Variants in SH3GL2 observed in about 807,000 individuals in gnomAD.
SH3GL2 encodes the protein endophilin-A1.
In SH3GL2, 24 loss-of-function variants were observed where a neutral mutation model predicts 46.0. The ratio of observed to expected loss-of-function variants is 0.52; its 90% CI spans 0.38 to 0.73. The LOEUF is 0.73. Among genes scored for constraint, SH3GL2 ranks in the 30% least tolerant of loss-of-function variants. The probability of loss-of-function intolerance (pLI) is 0.00; values close to 1 mark genes in which losing one functional copy is unlikely to be tolerated. For synonymous variants in SH3GL2, 196 were observed against 147.1 expected, an observed-to-expected ratio of 1.33 and a Z score of -2.40; for missense variants, 413 against 424.2, an observed-to-expected ratio of 0.97 and a Z score of 0.23.
At chr9:17,765,877 G>T (rs1024526825) in intron 3 of SH3GL2, among the ~76,000 whole-genome samples, 1 of 152,156 alleles carries the variant, frequency 6.6e-6, no homozygotes, top group African/African-American at 2.4e-5. Context: ...CAGCCAACAG[G>T]CACTGGGATA....
intron 1 of SH3GL2, among the ~76,000 whole-genome samples, chr9:17,672,085 A>G (rs77851301): frequency 1.0e-3 from 154 of 152,306 alleles, no homozygotes; most frequent in East Asian, 6.8e-3. Context: ...CTGGAACTCA[A>G]TGTTTTGTTT....
At chr9:17,786,652 C>G (rs1029961189) in intron 4 of SH3GL2, 128 bp downstream of exon 4, 8 of 845,368 alleles carry the variant, frequency 9.5e-6, no homozygotes, top group South Asian at 6.2e-5. Flanking sequence ...ATCCTACACA[C>G]ATGGGCCAAA....
intron 3 of SH3GL2, among the ~76,000 whole-genome samples, chr9:17,763,367 G>T (rs1823233292): frequency 6.6e-6 from 1 of 152,196 alleles, no homozygotes; most frequent in Non-Finnish European, 1.5e-5. Flanking sequence ...TGTAAGTAGT[G>T]ATGTAGGATC....
intron 1 of SH3GL2, among the ~76,000 whole-genome samples, chr9:17,652,811 T>C (rs1450433959): frequency 1.3e-5 from 2 of 152,192 alleles, no homozygotes; most frequent in Admixed American, 1.3e-4. Context: ...AATTATCCAA[T>C]GAAAATAGTT....
chr9:17,736,652 G>A (rs1822343154), intron 1 of SH3GL2, among the ~76,000 whole-genome samples: 1 of 152,114 alleles, frequency 6.6e-6, no homozygotes, highest in South Asian at 2.1e-4. Flanking sequence ...CTATACTGAG[G>A]TGTGAAATAC....
At chr9:17,761,336 GC>G (rs1823165409) in intron 2 of SH3GL2, 100 bp from the exon 3 acceptor site, 8 of 759,184 alleles carry the variant, frequency 1.1e-5, no homozygotes, top group Non-Finnish European at 1.9e-5. Context: ...CTTGTCCGGG[GC>G]TCTGTTGCAT....
intron 1 of SH3GL2, among the ~76,000 whole-genome samples, chr9:17,604,531 T>C (rs1009466199): frequency 6.6e-6 from 1 of 152,132 alleles, no homozygotes; most frequent in African/African-American, 2.4e-5. Context: ...GGATTGAGGC[T>C]CAGTGGCAAT....
chr9:17,762,197 C>A (rs757308520), intron 3 of SH3GL2, among the ~76,000 whole-genome samples: 1 of 152,066 alleles, frequency 6.6e-6, no homozygotes. Context: ...AGTTTCTAAC[C>A]ACAGGGCACG....
chr9:17,656,727 G>A (rs1277496688), intron 1 of SH3GL2, among the ~76,000 whole-genome samples: 2 of 131,860 alleles, frequency 1.5e-5, no homozygotes, highest in East Asian at 4.8e-4. Flanking sequence ...CCGAGTTAGT[G>A]CCACTGCACT....
chr9:17,713,660 A>G (rs1821683843), intron 1 of SH3GL2, among the ~76,000 whole-genome samples: 1 of 151,590 alleles, frequency 6.6e-6, no homozygotes, highest in African/African-American at 2.4e-5. Flanking sequence ...TTAGAAGTGC[A>G]TTATTAACTT....
At chr9:17,779,778 C>A (rs570113119) in intron 3 of SH3GL2, among the ~76,000 whole-genome samples, 1 of 152,262 alleles carries the variant, frequency 6.6e-6, no homozygotes, top group African/African-American at 2.4e-5. Context: ...CTTTACCCCC[C>A]ACCACCATCC....
chr9:17,673,601 C>CTGGA lies in SH3GL2; in HGVS notation c.46-73463_46-73462insGATG, dbSNP rs1231338366. On this transcript the variant is annotated intron_variant, in intron 1 of 8. Coordinates refer to ENST00000380607, the MANE Select transcript of SH3GL2 (RefSeq NM_003026.5). ...TGCTTTGTCACCAGCAGGATAAAGT[C>CTGGA]TGAGCTCTTTGACTTGACCTACTAG... Among the ~76,000 whole-genome samples, 3 of 152,284 alleles carry CTGGA rather than the reference C, an allele frequency of 2.0e-5. No homozygotes were observed. The East Asian group carries it at 5.8e-4, about 29-fold the overall frequency.
chr9:17,719,057 G>T (rs1821829192), intron 1 of SH3GL2, among the ~76,000 whole-genome samples: 1 of 152,108 alleles, frequency 6.6e-6, no homozygotes. Flanking sequence ...GACCTGTCTG[G>T]TTTAGTCAGG....
At chr9:17,579,570 G>C (rs1488123210) in intron 1 of SH3GL2, among the ~76,000 whole-genome samples, 2 of 152,140 alleles carry the variant, frequency 1.3e-5, no homozygotes, top group African/African-American at 2.4e-5. Flanking sequence ...TCGCGCCCGT[G>C]CTGCAGGAAG....
At chr9:17,686,506 A>G (rs1820914507) in intron 1 of SH3GL2, among the ~76,000 whole-genome samples, 1 of 147,000 alleles carries the variant, frequency 6.8e-6, no homozygotes, top group Non-Finnish European at 1.5e-5. Flanking sequence ...TTATTGCGGC[A>G]TTATCCACAA....
At chr9:17,731,761 G>A (rs964844499) in intron 1 of SH3GL2, among the ~76,000 whole-genome samples, 1 of 152,120 alleles carries the variant, frequency 6.6e-6, no homozygotes, top group Non-Finnish European at 1.5e-5. Context: ...GCAGGTTCTG[G>A]CTTTTGCCAG....
chr9:17,729,752 T>A (rs1822120971), intron 1 of SH3GL2, among the ~76,000 whole-genome samples: 1 of 152,238 alleles, frequency 6.6e-6, no homozygotes, highest in African/African-American at 2.4e-5. Flanking sequence ...GTCAGGTTTG[T>A]CAAAGATCAG....
intron 1 of SH3GL2, among the ~76,000 whole-genome samples, chr9:17,597,243 C>T (rs996528825): frequency 6.6e-6 from 1 of 152,096 alleles, no homozygotes; most frequent in Non-Finnish European, 1.5e-5. Flanking sequence ...AATAATTGTC[C>T]TGGCACAGTG....
chr9:17,671,285 G>T (rs1318984851), intron 1 of SH3GL2, among the ~76,000 whole-genome samples: 1 of 147,906 alleles, frequency 6.8e-6, no homozygotes, highest in Non-Finnish European at 1.5e-5. Flanking sequence ...AATGGTTTCT[G>T]TTTTACACAA....
Sources: gnomAD v4.1 joint callset for allele counts (sites outside exome capture counted in the v4.1 genomes callset) on GRCh38, gnomAD v4.1.1 for gene constraint, MANE v1.5 for transcripts, NCBI Gene and HGNC (gene_info 2026-07-23, HGNC 2026-07-21) for gene names.